Variants in MGAM2 observed in about 807,000 individuals in gnomAD.
MGAM2 encodes the protein maltase-glucoamylase 2 (putative).
In MGAM2, 98 loss-of-function variants were observed where a neutral mutation model predicts 96.1. The ratio of observed to expected loss-of-function variants is 1.02; its 90% CI spans 0.87 to 1.21. The LOEUF (loss-of-function observed/expected upper bound fraction) is 1.21. MGAM2 is among the 50% of genes most tolerant of loss of function. The probability of loss-of-function intolerance (pLI) is 0.00; values close to 1 mark genes in which losing one functional copy is unlikely to be tolerated. For missense variants in MGAM2, 2,055 were observed against 1,182.4 expected (o/e 1.74, Z -10.82); for synonymous variants, 749 against 414.8 (o/e 1.81, Z -9.79).
intron 19 of MGAM2, among the ~76,000 whole-genome samples, chr7:142,158,910 T>C (rs1795813890): frequency 6.6e-6 from 1 of 152,146 alleles, no homozygotes. Context: ...CAAAGGCCCT[T>C]TGAGCTGTTG....
chr7:142,210,580 G>A (rs1181266455), intron 46 of MGAM2, among the ~76,000 whole-genome samples: 2 of 152,168 alleles, frequency 1.3e-5, no homozygotes, highest in East Asian at 1.9e-4. Flanking sequence ...CAGGAAGTTC[G>A]AACTGGGCAG....
chr7:142,138,916 A>T (rs1795135777), intron 10 of MGAM2, among the ~76,000 whole-genome samples: 1 of 152,176 alleles, frequency 6.6e-6, no homozygotes, highest in South Asian at 2.1e-4. Flanking sequence ...TGCGCCAGTT[A>T]ATTAACATCT....
At chr7:142,195,581 T>C (rs180687516) in intron 37 of MGAM2, among the ~76,000 whole-genome samples, 1 of 151,732 alleles carries the variant, frequency 6.6e-6, no homozygotes, top group East Asian at 1.9e-4. Flanking sequence ...GGTCTTGAAT[T>C]CCTGACCTCA....
intron 12 of MGAM2, among the ~76,000 whole-genome samples, chr7:142,143,481 T>C (rs1193684384): frequency 2.0e-5 from 3 of 152,208 alleles, no homozygotes; most frequent in Non-Finnish European, 4.4e-5. Flanking sequence ...TTTTAAACAA[T>C]TTGTCTCCCA....
intron 1 of MGAM2, among the ~76,000 whole-genome samples, chr7:142,112,132 T>TG (rs1281426714): frequency 6.6e-6 from 1 of 151,538 alleles, no homozygotes; most frequent in East Asian, 2.0e-4. Context: ...AGGAAACAGA[T>TG]GGGATCCTTC....
Position 142,172,147 on chromosome 7 carries a change from A to T in MGAM2, c.3401A>T (p.Glu1134Val). 1 of 733,340 alleles carries T rather than the reference A, an allele frequency of 1.4e-6. No homozygotes were observed. The highest frequency in any genetic ancestry group is 2.5e-6 in the Non-Finnish European group (1 of 399,712). The allele number at this position is 733,340 out of a possible 1,614,324, so 45.4% of individuals were successfully genotyped here. A position where few individuals can be genotyped will look rare whatever the true frequency, so the allele number is the denominator to read the frequency against. The part of the protein sequence containing the change: ...GVHPYYMALE[E>V]DGSAHGVLLL... The stretch of plus-strand genomic sequence containing the variant: ...CACCCTTACTACATGGCACTGGAGG[A>T]GGATGGTAGTGCCCATGGAGTGCTC... Residue 1134 changes from glutamate (E) to valine (V), a missense_variant, in exon 29 of 48, where the codon GAG becomes GTG. By Grantham distance (121) the Glu-to-Val change is moderately radical (BLOSUM62 -2). Coordinates refer to ENST00000477922, the MANE Select transcript of MGAM2 (RefSeq NM_001293626.2).
chr7:142,138,486 A>C (rs1031907941), intron 9 of MGAM2, 56 bp from the exon 10 acceptor site: 24 of 669,038 alleles, frequency 3.6e-5, no homozygotes, highest in Non-Finnish European at 5.7e-5. Flanking sequence ...ACTTCACAGA[A>C]AATGAAATGG....
At chr7:142,143,958 TG>T in intron 13 of MGAM2, 76 bp downstream of exon 13, 2 of 683,600 alleles carry the variant, frequency 2.9e-6, no homozygotes, top group Non-Finnish European at 5.3e-6. Flanking sequence ...TTGACCTTGA[TG>T]TCAAATAAAT....
chr7:142,214,086 G>T (rs1797674077), intron 46 of MGAM2, among the ~76,000 whole-genome samples: 1 of 152,062 alleles, frequency 6.6e-6, no homozygotes, highest in Non-Finnish European at 1.5e-5. Context: ...ATTCAGAAAA[G>T]GCCTTTGATA....
At chr7:142,194,687 C>CGT (rs201949167) in intron 37 of MGAM2, among the ~76,000 whole-genome samples, 38,986 of 117,880 alleles carry the variant, frequency 0.33, 5,153 homozygotes, top group South Asian at 0.37. Flanking sequence ...TTTAATAGAA[C>CGT]ATGTGTGTAT....
chr7:142,198,372 A>G (rs1192496356), intron 43 of MGAM2, among the ~76,000 whole-genome samples, 177 bp downstream of exon 43: 1 of 152,192 alleles, frequency 6.6e-6, no homozygotes, highest in Non-Finnish European at 1.5e-5. Flanking sequence ...CTAAGCACCT[A>G]CATCTCATTG....
At chr7:142,192,842 TGCTTTA>T (rs1796913502) in intron 37 of MGAM2, among the ~76,000 whole-genome samples, 1 of 152,222 alleles carries the variant, frequency 6.6e-6, no homozygotes, top group Admixed American at 6.5e-5. Flanking sequence ...GCTGGTATAT[TGCTTTA>T]GGATTTAGGC....
intron 45 of MGAM2, among the ~76,000 whole-genome samples, chr7:142,205,629 T>C (rs573123361): frequency 6.6e-6 from 1 of 152,288 alleles, no homozygotes; most frequent in Admixed American, 6.5e-5. Context: ...AAATGATTGC[T>C]TATATTCTTT....
intron 18 of MGAM2, 37 bp downstream of exon 18, chr7:142,158,128 T>G: frequency 1.4e-6 from 1 of 700,234 alleles, no homozygotes; most frequent in Non-Finnish European, 2.6e-6. Flanking sequence ...CCTTTCTGAT[T>G]GTAGTTTCAC....
chr7:142,126,262 C>T (rs1002239020), intron 3 of MGAM2, among the ~76,000 whole-genome samples: 2 of 151,922 alleles, frequency 1.3e-5, no homozygotes, highest in African/African-American at 4.8e-5. Context: ...TGAACGAATT[C>T]AAATTGCTAA....
At chr7:142,126,349 G>T (rs537502416) in intron 3 of MGAM2, among the ~76,000 whole-genome samples, 5 of 151,732 alleles carry the variant, frequency 3.3e-5, no homozygotes, top group African/African-American at 4.8e-5. Context: ...TGTTTATTTG[G>T]ACTGTCCTTT....
chr7:142,185,444 T>C (rs1486570149), intron 34 of MGAM2, among the ~76,000 whole-genome samples: 4 of 152,196 alleles, frequency 2.6e-5, no homozygotes, highest in Admixed American at 2.0e-4. Flanking sequence ...ATTTTCTCAC[T>C]AGAGGGGAAT....
chr7:142,202,746 C>T (rs1797279281), intron 45 of MGAM2, among the ~76,000 whole-genome samples: 1 of 152,108 alleles, frequency 6.6e-6, no homozygotes, highest in South Asian at 2.1e-4. Flanking sequence ...GATTCCATGT[C>T]TTTGTAATTG....
chr7:142,199,939 A>G lies in MGAM2; in HGVS notation c.5108A>G (p.Gln1703Arg), dbSNP rs958905766. The change falls in exon 45 of 48, where the codon CAG (glutamine) becomes CGG (arginine). Residue 1703 changes from glutamine to arginine, a missense_variant. Coordinates refer to ENST00000477922, the MANE Select transcript of MGAM2 (RefSeq NM_001293626.2). ...ALDDNGTAEG[Q>R]VFWDDGQSID... ...GATGACAATGGGACAGCTGAAGGCC[A>G]GGTGTTCTGGGATGATGGACAAAGC... 1.0e-5 allele frequency: 7 copies of G among 695,106 alleles called. No homozygotes were observed. The Admixed American group carries it at 1.0e-4, about 10-fold the overall frequency. 43.1% of individuals were successfully genotyped at this position (695,106 alleles called of 1,614,324 possible). A position where few individuals can be genotyped will look rare whatever the true frequency, so the allele number is the denominator to read the frequency against.
Sources: allele counts gnomAD v4.1 joint callset (sites outside exome capture counted in the v4.1 genomes callset), GRCh38; gene constraint gnomAD v4.1.1; transcripts MANE v1.5; gene names NCBI Gene and HGNC (gene_info 2026-07-23, HGNC 2026-07-21).